The following PIAS1 variants were observed in gnomAD, a reference collection of about 807,000 sequenced individuals.
The protein encoded by PIAS1 is protein inhibitor of activated STAT 1.
A neutral mutation model predicts 71.3 loss-of-function variants in PIAS1; 6 were observed. The observed-to-expected ratio is 0.08, with a 90% CI of 0.05 to 0.17. The LOEUF (loss-of-function observed/expected upper bound fraction) is 0.17. Ranked by LOEUF, PIAS1 falls within the 10% of genes least tolerant of loss-of-function variation. The pLI, the probability that PIAS1 is intolerant of heterozygous loss-of-function variation, is 1.00. For missense variants in PIAS1, 555 were observed against 793.6 expected (o/e 0.70, Z 3.61); for synonymous variants, 303 against 292.9 (o/e 1.03, Z -0.35).
At chr15:68,151,939 ATTTTTT>A (rs1201017658) in intron 6 of PIAS1, among the ~76,000 whole-genome samples, 4 of 68,198 alleles carry the variant, frequency 5.9e-5, no homozygotes, top group Non-Finnish European at 7.6e-5. Flanking sequence ...AAATTTAGGA[ATTTTTT>A]TTTTTTTTTT....
At position 68,093,276 on chromosome 15, in the gene PIAS1, T is replaced by C. The variant is rs77868001; in HGVS notation, c.469+6526T>C. Reference sequence around the variant, plus strand: ...TTACATTTTAGCAGCTTTTGTAATATTTAATTCAGTTTTGTAATTACAATT... The same window carrying C: ...TTACATTTTAGCAGCTTTTGTAATACTTAATTCAGTTTTGTAATTACAATT... On this transcript the variant is annotated intron_variant, in intron 2 of 13. Coordinates refer to ENST00000249636, the MANE Select transcript of PIAS1 (RefSeq NM_016166.3). 5.5e-3 allele frequency among the ~76,000 whole-genome samples: 843 copies of C among 152,376 alleles called. 4 individuals are homozygous for C. The highest frequency in any genetic ancestry group is 0.02 in the South Asian group (98 of 4,832).
Position 68,174,517 on chromosome 15 carries a change from A to G in PIAS1, c.1169+625A>G, listed in dbSNP as rs1425150790. ...TAAACAAAAACAAATTGTGAAAAGG[A>G]GGACATCTCCTTGATTTTTTTGGGG... On this transcript the variant is annotated intron_variant, in intron 9 of 13. Transcript: ENST00000249636. The surrounding 1 kb of genome is among the most constrained non-coding windows in gnomAD (Gnocchi z 4.0). 1.3e-5 allele frequency among the ~76,000 whole-genome samples: 2 copies of G among 152,172 alleles called. No individual in the cohort carries two copies. Among genetic ancestry groups the G allele is most frequent in the Non-Finnish European group, 2.9e-5 (2 of 68,034 alleles).
chr15:68,153,556 A>G (rs768632430), intron 6 of PIAS1, 34 bp from the exon 7 acceptor site: 38 of 941,564 alleles, frequency 4.0e-5, no homozygotes, highest in Non-Finnish European at 6.2e-5. Context: ...TTACTTACAT[A>G]TGTTGTTTGT....
chr15:68,125,966 TG>T (rs34158181), intron 2 of PIAS1, among the ~76,000 whole-genome samples: 1 of 152,216 alleles, frequency 6.6e-6, no homozygotes, highest in Non-Finnish European at 1.5e-5. Context: ...CCCAAAGTGC[TG>T]GGATTACAGG....
chr15:68,123,612 A>AT (rs2092628528), intron 2 of PIAS1, among the ~76,000 whole-genome samples: 1 of 152,080 alleles, frequency 6.6e-6, no homozygotes, highest in Non-Finnish European at 1.5e-5. Context: ...CATGGAGACT[A>AT]TTTTTCCTTA....
intron 2 of PIAS1, among the ~76,000 whole-genome samples, chr15:68,138,530 A>C (rs1008575202): frequency 6.6e-6 from 1 of 152,206 alleles, no homozygotes; most frequent in African/African-American, 2.4e-5. Flanking sequence ...GCTGGAGTGC[A>C]GTGCGGCGAT....
chr15:68,072,398 T>TG (rs1567027721), intron 1 of PIAS1, among the ~76,000 whole-genome samples: 4 of 34,336 alleles, frequency 1.2e-4, no homozygotes, highest in African/African-American at 6.3e-4. Context: ...AGACTCCATC[T>TG]CAAAAAAAAA....
chr15:68,189,270 G>A lies in PIAS1; in HGVS notation c.*1435G>A, dbSNP rs1402964617. 3 of 152,182 alleles carry A rather than the reference G, an allele frequency of 2.0e-5. No homozygotes were observed. Among genetic ancestry groups the A allele is most frequent in the African/African-American group, 7.2e-5 (3 of 41,438 alleles). 9.4% of individuals were successfully genotyped at this position (152,182 alleles called of 1,614,324 possible). A position where few individuals can be genotyped will look rare whatever the true frequency, so the allele number is the denominator to read the frequency against. ...ATGTTCCAAAATCCTCATCAGAGAA[G>A]GTATGATGTTCTCAGGTGTGGAAAA... On this transcript the variant is annotated 3_prime_UTR_variant, in exon 14 of 14. Coordinates refer to ENST00000249636, the MANE Select transcript of PIAS1 (RefSeq NM_016166.3).
At chr15:68,057,765 T>A (rs1359902136) in intron 1 of PIAS1, among the ~76,000 whole-genome samples, 1 of 152,262 alleles carries the variant, frequency 6.6e-6, no homozygotes, top group Non-Finnish European at 1.5e-5. Context: ...TTTAGATGGC[T>A]TTTGTTTTAT....
intron 6 of PIAS1, among the ~76,000 whole-genome samples, chr15:68,151,247 GGCATTTGTTA>G (rs2092841830): frequency 6.6e-6 from 1 of 151,832 alleles, no homozygotes; most frequent in Admixed American, 6.6e-5. Flanking sequence ...CAGTACAAGT[GGCATTTGTTA>G]GTACCACATT....
chr15:68,094,159 C>CT (rs963896641), intron 2 of PIAS1, among the ~76,000 whole-genome samples: 5 of 150,940 alleles, frequency 3.3e-5, no homozygotes, highest in Non-Finnish European at 7.4e-5. Flanking sequence ...TTTTCCTGTG[C>CT]TTTTTTAAAG....
At chr15:68,134,467 C>T (rs1420312981) in intron 2 of PIAS1, among the ~76,000 whole-genome samples, 19 of 53,382 alleles carry the variant, frequency 3.6e-4, no homozygotes, top group East Asian at 1.0e-3. Context: ...ACCTCCCGGA[C>T]GGGGCGGCTG....
intron 1 of PIAS1, among the ~76,000 whole-genome samples, chr15:68,059,088 T>C (rs2091929097): frequency 6.9e-6 from 1 of 145,164 alleles, no homozygotes. Flanking sequence ...CACTGCAAGC[T>C]CCGCCTCCCG....
chr15:68,189,126 T>G lies in PIAS1; in HGVS notation c.*1291T>G, dbSNP rs1376699564. The G allele has an allele frequency of 1.3e-5, 2 of 152,224 alleles. No individual in the cohort carries two copies. Among genetic ancestry groups the G allele is most frequent in the African/African-American group, 4.8e-5 (2 of 41,452 alleles). The allele number at this position is 152,224 out of a possible 1,614,324, so 9.4% of individuals were successfully genotyped here. A position where few individuals can be genotyped will look rare whatever the true frequency, so the allele number is the denominator to read the frequency against. On this transcript the variant is annotated 3_prime_UTR_variant, in exon 14 of 14. Coordinates refer to ENST00000249636, the MANE Select transcript of PIAS1 (RefSeq NM_016166.3). ...AGTATGACATAGGAAAGTCATTTTT[T>G]TTTAGAATTCATGGATCAGTCTGAT...
intron 2 of PIAS1, among the ~76,000 whole-genome samples, chr15:68,110,361 G>A (rs1284277942): frequency 6.6e-6 from 1 of 152,092 alleles, no homozygotes; most frequent in Non-Finnish European, 1.5e-5. Flanking sequence ...TTGGGAGGCC[G>A]AGGTGGGTGG....
At chr15:68,099,416 T>A (rs1235928663) in intron 2 of PIAS1, among the ~76,000 whole-genome samples, 1 of 151,948 alleles carries the variant, frequency 6.6e-6, no homozygotes, top group Non-Finnish European at 1.5e-5. Context: ...GAGTTTTTTT[T>A]ATGATTGGTG....
chr15:68,168,234 C>G (rs568457052), intron 8 of PIAS1, among the ~76,000 whole-genome samples: 1 of 152,180 alleles, frequency 6.6e-6, no homozygotes, highest in South Asian at 2.1e-4. Flanking sequence ...GTCTGGAACT[C>G]CTGACCTCAA....
At chr15:68,139,916 T>C (rs2092758954) in intron 2 of PIAS1, among the ~76,000 whole-genome samples, 1 of 152,170 alleles carries the variant, frequency 6.6e-6, no homozygotes, top group Admixed American at 6.5e-5. Context: ...GTCCAGAATT[T>C]TTTTGAAAGG....
In PIAS1 at chr15:68,086,191, C is replaced by G. The variant is rs2092280028; in HGVS notation, c.25-115C>G. The G allele has an allele frequency of 1.5e-6, 1 of 657,602 alleles. No homozygotes were observed. The highest frequency in any genetic ancestry group is 2.6e-6 in the Non-Finnish European group (1 of 391,590). 40.7% of individuals were successfully genotyped at this position (657,602 alleles called of 1,614,324 possible). On this transcript the variant is annotated intron_variant, in intron 1 of 13. Transcript: ENST00000249636. This position sits in a 1 kb window ranked among gnomAD's most constrained non-coding sequence, Gnocchi z 7.2. The stretch of plus-strand genomic sequence containing the variant: ...TTGAAATAATAGGATTATAAGTGAG[C>G]TGGCCTTTATTTGCTTAAGTAAACC...
Sources: allele counts gnomAD v4.1 joint callset (sites outside exome capture counted in the v4.1 genomes callset), GRCh38; gene constraint gnomAD v4.1.1; non-coding constraint Gnocchi (gnomAD v3.1); transcripts MANE v1.5; gene names NCBI Gene and HGNC (gene_info 2026-07-23, HGNC 2026-07-21).